Variants in PTCHD4 observed in about 807,000 individuals in gnomAD.
The protein encoded by PTCHD4 is patched domain-containing protein 4.
Under a neutral mutation model 58.1 loss-of-function variants are expected in PTCHD4, and 33 were observed. That is an observed-to-expected ratio of 0.57 (90% CI 0.43 to 0.76). The LOEUF is 0.76. Among genes scored for constraint, PTCHD4 ranks in the 30% least tolerant of loss-of-function variants. The pLI is 0.00. For synonymous variants in PTCHD4, 478 were observed against 409.6 expected (o/e 1.17, Z -2.02); for missense variants, 1,058 against 1,027.1 (o/e 1.03, Z -0.41).
chr6:48,065,541 A>G (rs924196147), intron 3 of PTCHD4, among the ~76,000 whole-genome samples: 1 of 152,224 alleles, frequency 6.6e-6, no homozygotes, highest in African/African-American at 2.4e-5. Context: ...AATCATTTTT[A>G]AATAACATGT....
At chr6:48,055,030 A>C (rs1285582769) in intron 3 of PTCHD4, among the ~76,000 whole-genome samples, 1 of 152,198 alleles carries the variant, frequency 6.6e-6, no homozygotes, top group African/African-American at 2.4e-5. Flanking sequence ...TCATACAGCA[A>C]GTAAGTGGAG....
At chr6:47,914,800 C>T (rs887228320) in intron 4 of PTCHD4, among the ~76,000 whole-genome samples, 3 of 149,182 alleles carry the variant, frequency 2.0e-5, no homozygotes, top group Non-Finnish European at 3.0e-5. Context: ...ATATTTGTAC[C>T]ATCTCCTGTT....
chr6:48,047,045 T>C (rs1249638088), intron 3 of PTCHD4, among the ~76,000 whole-genome samples: 1 of 151,868 alleles, frequency 6.6e-6, no homozygotes, highest in Non-Finnish European at 1.5e-5. Flanking sequence ...AATATTGGGT[T>C]GCCTGGCCCA....
At chr6:47,949,665 C>T (rs907156572) in intron 4 of PTCHD4, among the ~76,000 whole-genome samples, 1 of 151,840 alleles carries the variant, frequency 6.6e-6, no homozygotes, top group Non-Finnish European at 1.5e-5. Flanking sequence ...TCTTTTTTTC[C>T]CCCCAGATTT....
intron 4 of PTCHD4, among the ~76,000 whole-genome samples, chr6:47,946,175 A>G (rs958081048): frequency 6.6e-6 from 1 of 152,050 alleles, no homozygotes; most frequent in African/African-American, 2.4e-5. Context: ...AAATATGTGT[A>G]TGTTCTCACT....
At chr6:47,916,211 T>C (rs1204519396) in intron 4 of PTCHD4, among the ~76,000 whole-genome samples, 2 of 152,088 alleles carry the variant, frequency 1.3e-5, no homozygotes, top group Non-Finnish European at 2.9e-5. Flanking sequence ...TGTGGCTCTC[T>C]CAGTAAATGG....
At chr6:47,955,977 G>C (rs1398224633) in intron 4 of PTCHD4, among the ~76,000 whole-genome samples, 1 of 152,158 alleles carries the variant, frequency 6.6e-6, no homozygotes, top group Non-Finnish European at 1.5e-5. Context: ...TATAAATGAA[G>C]TTTTTAGTTA....
chr6:47,918,667 T>G (rs1765335435), intron 4 of PTCHD4, among the ~76,000 whole-genome samples: 1 of 152,122 alleles, frequency 6.6e-6, no homozygotes, highest in Admixed American at 6.6e-5. Flanking sequence ...TATAAAATTC[T>G]AAGTGGAAAA....
intron 3 of PTCHD4, among the ~76,000 whole-genome samples, chr6:48,042,178 C>T (rs1418883088): frequency 2.0e-5 from 3 of 151,944 alleles, no homozygotes; most frequent in Non-Finnish European, 4.4e-5. Flanking sequence ...GAGAAAGACT[C>T]CCCACCCTTT....
intron 4 of PTCHD4, among the ~76,000 whole-genome samples, chr6:47,933,875 T>C (rs993297152): frequency 6.6e-6 from 1 of 152,178 alleles, no homozygotes; most frequent in Non-Finnish European, 1.5e-5. Flanking sequence ...TTGATTATTA[T>C]GAATTACAAA....
intron 4 of PTCHD4, among the ~76,000 whole-genome samples, chr6:47,988,569 G>A (rs772768967): frequency 1.2e-4 from 19 of 152,162 alleles, no homozygotes; most frequent in Admixed American, 2.0e-4. Context: ...TTGTGGGAAG[G>A]ACCCATGGGA....
At position 48,068,146 on chromosome 6, in the gene PTCHD4, A is replaced by T; in HGVS notation, c.417+84T>A. ...GCCTGAGATCCTCTAGCACTGAAAT[A>T]ATATCATCCAGCACGCATTTCTTAT... On this transcript the variant is annotated intron_variant, in intron 3 of 4. Coordinates refer to ENST00000339488, the MANE Select transcript of PTCHD4 (RefSeq NM_001384253.1). This position sits in a 1 kb window ranked among gnomAD's most constrained non-coding sequence, Gnocchi z 4.2. 1 of 1,411,350 alleles carries T rather than the reference A, an allele frequency of 7.1e-7. No individual in the cohort carries two copies. The highest frequency in any genetic ancestry group is 9.6e-7 in the Non-Finnish European group (1 of 1,042,186). The allele number at this position is 1,411,350 out of a possible 1,614,324, so 87.4% of individuals were successfully genotyped here.
chr6:48,105,797 T>C (rs1765705729), intron 1 of PTCHD4, among the ~76,000 whole-genome samples: 1 of 152,084 alleles, frequency 6.6e-6, no homozygotes, highest in South Asian at 2.1e-4. Context: ...AAATACAAAC[T>C]ACCATCAGAG....
chr6:47,967,316 A>G (rs1399062927), intron 4 of PTCHD4, among the ~76,000 whole-genome samples: 3 of 152,216 alleles, frequency 2.0e-5, no homozygotes, highest in Admixed American at 6.5e-5. Flanking sequence ...TGGGCTTAAA[A>G]TGTTCAGGAA....
At chr6:48,035,859 C>T (rs563163625) in intron 3 of PTCHD4, among the ~76,000 whole-genome samples, 13 of 152,216 alleles carry the variant, frequency 8.5e-5, no homozygotes, top group East Asian at 5.8e-4. Context: ...CATAAACACC[C>T]GTCCTGCTCC....
At position 47,869,794 on chromosome 6, in the gene PTCHD4, A is replaced by G. The variant is rs1308516046; in HGVS notation, c.*8509T>C. Among the ~76,000 whole-genome samples the G allele has an allele frequency of 6.6e-6, 1 of 151,710 alleles. No homozygotes were observed. On this transcript the variant is annotated 3_prime_UTR_variant, in exon 5 of 5. Transcript: ENST00000339488. ...ATACTAAAAAAACATAGATTATGTT[A>G]TTTTACATTGTGATGTTATAAGATG...
intron 4 of PTCHD4, among the ~76,000 whole-genome samples, chr6:47,974,519 G>A (rs75908009): frequency 8.0e-5 from 12 of 149,926 alleles, no homozygotes; most frequent in Admixed American, 1.3e-4. Context: ...TTGTTGTTGT[G>A]GGGGGGGCTG....
intron 4 of PTCHD4, among the ~76,000 whole-genome samples, chr6:47,990,604 G>A (rs1768247463): frequency 6.6e-6 from 1 of 152,086 alleles, no homozygotes; most frequent in African/African-American, 2.4e-5. Flanking sequence ...CATATAAGAA[G>A]TACCTTTTCC....
rs115031656 is a variant in PTCHD4, at chr6:48,085,358, T to A, written c.-969-15432A>T. Reference sequence around the variant, plus strand: ...CACTTCAGGTCATGCTTAATTAGTGTTTTCTTGGCTTTTTTTAGAACATTC... The same window carrying A: ...CACTTCAGGTCATGCTTAATTAGTGATTTCTTGGCTTTTTTTAGAACATTC... On this transcript the variant is annotated intron_variant, in intron 1 of 4. Coordinates refer to ENST00000339488, the MANE Select transcript of PTCHD4 (RefSeq NM_001384253.1). 3.8e-3 allele frequency among the ~76,000 whole-genome samples: 572 copies of A among 152,336 alleles called. 3 individuals carry two copies. Among genetic ancestry groups the A allele is most frequent in the Admixed American group, 1.0e-2 (153 of 15,304 alleles).
Sources: allele counts gnomAD v4.1 joint callset (sites outside exome capture counted in the v4.1 genomes callset), GRCh38; gene constraint gnomAD v4.1.1; non-coding constraint Gnocchi (gnomAD v3.1); transcripts MANE v1.5; gene names NCBI Gene and HGNC (gene_info 2026-07-23, HGNC 2026-07-21).